ZDHHC11B: variants seen among roughly 807,000 people sequenced by gnomAD.
ZDHHC11B encodes probable palmitoyltransferase ZDHHC11B.
A neutral mutation model predicts 42.3 loss-of-function variants in ZDHHC11B; 17 were observed. The ratio of observed to expected loss-of-function variants is 0.40; its 90% CI spans 0.27 to 0.60. ZDHHC11B has a LOEUF of 0.60. Among genes scored for constraint, ZDHHC11B ranks in the 20% least tolerant of loss-of-function variants. ZDHHC11B has a pLI of 0.41. For synonymous variants in ZDHHC11B, 123 were observed against 193.5 expected, an observed-to-expected ratio of 0.64 and a Z score of 3.02; for missense variants, 262 against 463.2, an observed-to-expected ratio of 0.57 and a Z score of 3.99.
intron 10 of ZDHHC11B, among the ~76,000 whole-genome samples, chr5:737,167 T>C (rs1387834819): frequency 6.7e-6 from 1 of 149,138 alleles, no homozygotes; most frequent in Non-Finnish European, 1.5e-5. Flanking sequence ...AAAGATCATT[T>C]AAGGCCAATA....
chr5:766,648 G>A lies in ZDHHC11B; in HGVS notation c.222+50C>T, dbSNP rs776605101. 4.2e-5 allele frequency: 65 copies of A among 1,538,872 alleles called. 1 individual carries two copies. The highest frequency in any genetic ancestry group is 3.1e-5 in the Non-Finnish European group (35 of 1,130,888). On this transcript the variant is annotated intron_variant, in intron 4 of 13. Coordinates refer to ENST00000508859, the MANE Select transcript of ZDHHC11B (RefSeq NM_001351303.2). ...ACCCCACAGCCAGGTCCATCGCAGG[G>A]TCCTCCAGGAACCCCTCCCGCTTAG... is the stretch of plus-strand genomic sequence containing the variant.
At chr5:763,025 G>A in intron 4 of ZDHHC11B, among the ~76,000 whole-genome samples, 1 of 151,968 alleles carries the variant, frequency 6.6e-6, no homozygotes, top group Admixed American at 6.6e-5. Context: ...GTAAACACCT[G>A]TATTCCAAGA....
chr5:777,879 C>A (rs1389673884), intron 1 of ZDHHC11B, among the ~76,000 whole-genome samples: 1 of 151,516 alleles, frequency 6.6e-6, no homozygotes, highest in Non-Finnish European at 1.5e-5. Flanking sequence ...GGCGCCCTTC[C>A]GGGAGGCCCC....
chr5:741,884 A>G (rs400031), intron 9 of ZDHHC11B, among the ~76,000 whole-genome samples: 46,867 of 75,020 alleles, frequency 0.62, 15,270 homozygotes, highest in Middle Eastern at 0.83. Context: ...GCTTTCCAAT[A>G]TGGTGGCACT....
At chr5:717,966 A>T (rs1242492554) in intron 12 of ZDHHC11B, among the ~76,000 whole-genome samples, 2 of 152,012 alleles carry the variant, frequency 1.3e-5, no homozygotes, top group Admixed American at 1.3e-4. Context: ...TAGTCTTGGT[A>T]GACACAGAGA....
chr5:746,759 C>T lies in ZDHHC11B; in HGVS notation c.785-1461G>A, dbSNP rs1480105891. 4.7e-5 allele frequency among the ~76,000 whole-genome samples: 7 copies of T among 150,278 alleles called. 1 individual carries two copies. The highest frequency in any genetic ancestry group is 3.4e-3 in the Middle Eastern group (1 of 290). ...TCACCCAAAGGAGCCTGCAGCCCCC[C>T]ACGTGCTCAGCACACAGTGGGCATT... On this transcript the variant is annotated intron_variant, in intron 8 of 13. Coordinates refer to ENST00000508859, the MANE Select transcript of ZDHHC11B (RefSeq NM_001351303.2).
chr5:743,985 A>C (rs1444400419), intron 9 of ZDHHC11B, among the ~76,000 whole-genome samples: 4 of 150,030 alleles, frequency 2.7e-5, no homozygotes, highest in African/African-American at 9.8e-5. Context: ...TGTCAGGTAC[A>C]CAGGGTGCTT....
intron 4 of ZDHHC11B, among the ~76,000 whole-genome samples, chr5:761,702 C>A (rs1734636271): frequency 6.6e-6 from 1 of 151,860 alleles, no homozygotes; most frequent in East Asian, 1.9e-4. Context: ...CCCCATGGAA[C>A]CCCCACTCTG....
chr5:762,294 C>A (rs1377273347), intron 4 of ZDHHC11B, among the ~76,000 whole-genome samples: 3 of 151,752 alleles, frequency 2.0e-5, no homozygotes, highest in Non-Finnish European at 4.4e-5. Flanking sequence ...GCCTCAACGG[C>A]CACTCACAGC....
chr5:750,585 C>T (rs562532764), intron 7 of ZDHHC11B, among the ~76,000 whole-genome samples: 19 of 130,270 alleles, frequency 1.5e-4, no homozygotes, highest in East Asian at 1.3e-3. Flanking sequence ...CTGGGTTAGG[C>T]GTGGACTCGC....
intron 4 of ZDHHC11B, among the ~76,000 whole-genome samples, chr5:761,449 G>A (rs188201437): frequency 4.6e-5 from 7 of 151,970 alleles, no homozygotes; most frequent in South Asian, 4.2e-4. Context: ...TGGAGAACTC[G>A]GAGGCTGGGC....
At chr5:760,283 G>T (rs1734428602) in intron 4 of ZDHHC11B, among the ~76,000 whole-genome samples, 1 of 151,848 alleles carries the variant, frequency 6.6e-6, no homozygotes, top group Non-Finnish European at 1.5e-5. Flanking sequence ...TGGAAATAGG[G>T]TCTTTGCAGA....
chr5:757,112 A>G (rs867264691), intron 4 of ZDHHC11B, among the ~76,000 whole-genome samples: 1 of 151,810 alleles, frequency 6.6e-6, no homozygotes, highest in African/African-American at 2.4e-5. Flanking sequence ...CAGACTCCCC[A>G]TGGCAACCAA....
intron 1 of ZDHHC11B, among the ~76,000 whole-genome samples, chr5:776,495 C>T (rs1222059527): frequency 2.6e-5 from 4 of 151,962 alleles, no homozygotes. Context: ...AGGGGAAAGT[C>T]TCCACTGCAA....
intron 1 of ZDHHC11B, among the ~76,000 whole-genome samples, 44 bp downstream of exon 1, chr5:784,624 C>T (rs1737121860): frequency 6.6e-6 from 1 of 151,648 alleles, no homozygotes. Context: ...CCCCCGGGTG[C>T]CCCCCGCGCC....
At chr5:770,867 G>A (rs1234672125) in intron 1 of ZDHHC11B, among the ~76,000 whole-genome samples, 1 of 151,948 alleles carries the variant, frequency 6.6e-6, no homozygotes, top group Admixed American at 6.6e-5. Flanking sequence ...TGGCTGGGCT[G>A]TGGGGCTAAG....
intron 4 of ZDHHC11B, among the ~76,000 whole-genome samples, chr5:761,297 C>T (rs1476827419): frequency 1.3e-5 from 2 of 151,864 alleles, no homozygotes; most frequent in African/African-American, 4.8e-5. Flanking sequence ...GCTTTAGTGA[C>T]ATCCTCATCC....
At chr5:745,565 G>A (rs1312143948) in intron 8 of ZDHHC11B, among the ~76,000 whole-genome samples, 2 of 149,986 alleles carry the variant, frequency 1.3e-5, no homozygotes, top group African/African-American at 2.4e-5. Flanking sequence ...GCCTGCCAAG[G>A]CCTCATTGAG....
intron 1 of ZDHHC11B, among the ~76,000 whole-genome samples, chr5:775,222 G>C (rs1477823009): frequency 6.6e-6 from 1 of 151,958 alleles, no homozygotes; most frequent in African/African-American, 2.4e-5. Flanking sequence ...ACCTCTGACA[G>C]CTCCACCTGC....
Sources: allele counts gnomAD v4.1 joint callset (sites outside exome capture counted in the v4.1 genomes callset), GRCh38; gene constraint gnomAD v4.1.1; transcripts MANE v1.5; gene names NCBI Gene and HGNC (gene_info 2026-07-23, HGNC 2026-07-21).